Variants in FDFT1 observed in about 807,000 individuals in gnomAD.
FDFT1 encodes the protein farnesyl-diphosphate farnesyltransferase 1.
A neutral mutation model predicts 46.8 loss-of-function variants in FDFT1; 68 were observed. That is an observed-to-expected ratio of 1.45 (90% confidence interval 1.19 to 1.78). FDFT1 has a LOEUF of 1.78. FDFT1 is among the 40% of genes most tolerant of loss of function. FDFT1 has a pLI of 0.00. For synonymous variants in FDFT1, 351 were observed against 185.1 expected (o/e 1.90, Z -7.28); for missense variants, 928 against 524.4 (o/e 1.77, Z -7.52).
At position 11,821,810 on chromosome 8, in the gene FDFT1, C is replaced by T. The variant is rs138781417; in HGVS notation, c.442C>T (p.Arg148Trp). 69 of 1,613,496 alleles carry T rather than the reference C, an allele frequency of 4.3e-5. No homozygotes were observed. The highest frequency in any genetic ancestry group is 5.5e-5 in the South Asian group (5 of 91,076). The change falls in exon 4 of 8, where the codon CGG becomes TGG. Residue 148 changes from arginine (R) to tryptophan (W), a missense_variant. By Grantham distance (101) the Arg-to-Trp change is moderately radical. Transcript: ENST00000220584. ...CCAAACAGTGATTGCCGACATTTGC[C>T]GGAGAATGGGCATTGGGATGGCAGA... ...KYQTVIADICRRMGIGMAEFL... is the reference protein window; with the variant it reads ...KYQTVIADICWRMGIGMAEFL...
At chr8:11,838,289 A>G in intron 7 of FDFT1, 99 bp from the exon 8 acceptor site, 1 of 887,948 alleles carries the variant, frequency 1.1e-6, no homozygotes, top group Non-Finnish European at 1.8e-6. Flanking sequence ...CTCATTGGTA[A>G]AATGGGTATA....
rs1810609181 is a variant in FDFT1, at chr8:11,830,369, C to T, written c.828C>T (p.Tyr276=). 6.2e-7 allele frequency: 1 copy of T among 1,613,940 alleles called. No individual in the cohort carries two copies. The highest frequency in any genetic ancestry group is 8.5e-7 in the Non-Finnish European group (1 of 1,179,854). The part of the protein sequence containing the change: ...ALHHIPDVIT[Y]LSRLRNQSVF... ...ACCACATCCCAGATGTCATCACCTACCTTTCGAGACTCAGAAACCAGAGTG... is the reference window on the plus strand; with the variant it reads ...ACCACATCCCAGATGTCATCACCTATCTTTCGAGACTCAGAAACCAGAGTG... Residue 276 remains tyrosine, a synonymous_variant, in exon 6 of 8, where the codon TAC becomes TAT. Coordinates refer to ENST00000220584, the MANE Select transcript of FDFT1 (RefSeq NM_004462.5).
intron 7 of FDFT1, among the ~76,000 whole-genome samples, chr8:11,833,832 C>T (rs1159402329): frequency 6.6e-6 from 1 of 152,172 alleles, no homozygotes; most frequent in Non-Finnish European, 1.5e-5. Context: ...ATCAGTTGTT[C>T]TGTTATCCCA....
intron 5 of FDFT1, among the ~76,000 whole-genome samples, chr8:11,827,855 C>T (rs936126542): frequency 9.9e-5 from 15 of 151,156 alleles, no homozygotes; most frequent in Non-Finnish European, 1.8e-4. Flanking sequence ...GCCTGGACAA[C>T]GTAGTGAGAC....
intron 1 of FDFT1, among the ~76,000 whole-genome samples, chr8:11,796,703 G>A (rs1383902903): frequency 6.6e-6 from 1 of 152,202 alleles, no homozygotes; most frequent in Non-Finnish European, 1.5e-5. Flanking sequence ...TTCTGTGGTT[G>A]ATTCTGAGTT....
chr8:11,830,267 G>C lies in FDFT1; in HGVS notation c.726G>C (p.Lys242Asn). ...PQEVWSRYVKKLGDFAKPENI... is the reference protein window; with the variant it reads ...PQEVWSRYVKNLGDFAKPENI... Reference sequence around the variant, plus strand: ...AGGTTTGGAGCAGGTATGTTAAGAAGTTAGGGGATTTTGCTAAGCCGGAGA... The same window carrying C: ...AGGTTTGGAGCAGGTATGTTAAGAACTTAGGGGATTTTGCTAAGCCGGAGA... The change falls in exon 6 of 8, where the codon AAG (lysine) becomes AAC (asparagine). Residue 242 changes from lysine to asparagine, a missense_variant. Coordinates refer to ENST00000220584, the MANE Select transcript of FDFT1 (RefSeq NM_004462.5). The C allele has an allele frequency of 6.2e-7, 1 of 1,614,048 alleles. No individual in the cohort carries two copies. Among genetic ancestry groups the C allele is most frequent in the Non-Finnish European group, 8.5e-7 (1 of 1,179,922 alleles).
At chr8:11,819,546 T>G (rs534150581) in intron 3 of FDFT1, among the ~76,000 whole-genome samples, 1 of 152,248 alleles carries the variant, frequency 6.6e-6, no homozygotes, top group South Asian at 2.1e-4. Flanking sequence ...TTCATTTCTT[T>G]TCATTCTTTT....
At chr8:11,807,442 C>A (rs927465968) in intron 1 of FDFT1, among the ~76,000 whole-genome samples, 1 of 152,156 alleles carries the variant, frequency 6.6e-6, no homozygotes, top group Non-Finnish European at 1.5e-5. Flanking sequence ...GGATTATAGG[C>A]GTGCGCCACT....
In FDFT1 at chr8:11,809,752, C is replaced by T. The variant is rs773953631; in HGVS notation, c.283C>T (p.Pro95Ser). The change falls in exon 3 of 8, where the codon CCG becomes TCG. Residue 95 changes from proline to serine, a missense_variant. Coordinates refer to ENST00000220584, the MANE Select transcript of FDFT1 (RefSeq NM_004462.5). ...GACCATCAGTGTGGAAAAGAAGGTC[C>T]CGCTGTTACACAACTTTCACTCTTT... Reference protein sequence around the residue: ...DMTISVEKKVPLLHNFHSFLY... With the variant: ...DMTISVEKKVSLLHNFHSFLY... 1.9e-6 allele frequency: 3 copies of T among 1,613,890 alleles called. No individual in the cohort carries two copies. The highest frequency in any genetic ancestry group is 2.2e-5 in the South Asian group (2 of 91,082).
chr8:11,805,183 T>TG (rs1806672406), intron 1 of FDFT1, among the ~76,000 whole-genome samples: 1 of 152,162 alleles, frequency 6.6e-6, no homozygotes, highest in African/African-American at 2.4e-5. Context: ...TTCAAAGTGC[T>TG]GGGATTACAG....
chr8:11,796,048 T>C (rs544163524), intron 1 of FDFT1: 2 of 152,182 alleles, frequency 1.3e-5, no homozygotes, highest in African/African-American at 4.8e-5. Context: ...TGGGGTTTTG[T>C]GATAACTGAC....
chr8:11,812,807 T>C (rs369237159), intron 3 of FDFT1, among the ~76,000 whole-genome samples: 20 of 152,348 alleles, frequency 1.3e-4, no homozygotes, highest in South Asian at 1.0e-3. Flanking sequence ...CTTTATACTT[T>C]AGTGATCATT....
chr8:11,814,008 TAAA>T (rs1267018325), intron 3 of FDFT1, among the ~76,000 whole-genome samples: 4 of 152,334 alleles, frequency 2.6e-5, no homozygotes, highest in African/African-American at 4.8e-5. Context: ...TAATAAATAA[TAAA>T]AAGTCGTTGG....
In FDFT1 at chr8:11,806,343, TAGTG is replaced by T. The variant is rs537436206; in HGVS notation, c.100-2446_100-2443del. Among the ~76,000 whole-genome samples, 17 of 152,324 alleles carry T rather than the reference TAGTG, an allele frequency of 1.1e-4. No homozygotes were observed. The South Asian group carries it at 3.5e-3, about 32-fold the overall frequency. On this transcript the variant is annotated intron_variant, in intron 1 of 7. Transcript: ENST00000220584. ...ATGGGAATCAAGCAGTAGAAATTTT[TAGTG>T]AGTGTTGTTTTCCATAGTATGCTTA...
At chr8:11,831,384 T>A in intron 6 of FDFT1, 134 bp from the exon 7 acceptor site, 1 of 709,012 alleles carries the variant, frequency 1.4e-6, no homozygotes, top group Non-Finnish European at 2.4e-6. Flanking sequence ...GGGTATTTTT[T>A]CTTGAGCGAT....
intron 4 of FDFT1, among the ~76,000 whole-genome samples, chr8:11,824,214 T>A (rs1809652126): frequency 6.6e-6 from 1 of 151,846 alleles, no homozygotes; most frequent in Non-Finnish European, 1.5e-5. Flanking sequence ...TTACTTTTGC[T>A]TCTTAAGTTA....
intron 1 of FDFT1, among the ~76,000 whole-genome samples, chr8:11,796,254 A>G (rs561354778): frequency 6.6e-6 from 1 of 152,322 alleles, no homozygotes; most frequent in South Asian, 2.1e-4. Flanking sequence ...ATGGGGGTTA[A>G]GTGACTGGAC....
intron 7 of FDFT1, among the ~76,000 whole-genome samples, chr8:11,837,162 G>C (rs1274834423): frequency 6.6e-6 from 1 of 152,236 alleles, no homozygotes; most frequent in South Asian, 2.1e-4. Context: ...GAGAAGGAGT[G>C]GTATGAGACT....
intron 3 of FDFT1, among the ~76,000 whole-genome samples, chr8:11,819,852 T>C (rs1265498330): frequency 6.6e-6 from 1 of 152,098 alleles, no homozygotes; most frequent in Non-Finnish European, 1.5e-5. Context: ...TTCTGTCAAC[T>C]CGTTAAACTC....
Sources: gnomAD v4.1 joint callset for allele counts (sites outside exome capture counted in the v4.1 genomes callset) on GRCh38, gnomAD v4.1.1 for gene constraint, MANE v1.5 for transcripts, NCBI Gene and HGNC (gene_info 2026-07-23, HGNC 2026-07-21) for gene names.